SREBF1: variants seen among roughly 807,000 people sequenced by gnomAD.
SREBF1 encodes the protein sterol regulatory element-binding protein 1.
A neutral mutation model predicts 100.1 loss-of-function variants in SREBF1; 45 were observed. The observed-to-expected ratio is 0.45, with a 90% CI of 0.35 to 0.58. The LOEUF (loss-of-function observed/expected upper bound fraction) is 0.58, where lower values mean the gene tolerates loss of function less well. Ranked by LOEUF, SREBF1 falls within the 20% of genes least tolerant of loss-of-function variation. The pLI is 0.00. For missense variants in SREBF1, 1,324 were observed against 1,539.4 expected, an observed-to-expected ratio of 0.86 and a Z score of 2.34; for synonymous variants, 657 against 681.8, an observed-to-expected ratio of 0.96 and a Z score of 0.57.
At position 17,814,405 on chromosome 17, in the gene SREBF1, G is replaced by A; in HGVS notation, c.2741C>T (p.Pro914Leu). Residue 914 changes from proline to leucine, a missense_variant, in exon 16 of 19, where the codon CCC becomes CTC. Physicochemically the swap from Pro to Leu is moderately conservative, Grantham distance 98 (BLOSUM62 -3). Coordinates refer to ENST00000261646, the MANE Select transcript of SREBF1 (RefSeq NM_004176.5). ...GGAGTGCAGAGCTGCCCTGGGCAGG[G>A]GTCTCCTGTTGGGACCAGGGCAGAA... ...LPRVLQESER[P>L]LPRAALHSFK... 6.4e-7 allele frequency: 1 copy of A among 1,555,988 alleles called. No homozygotes were observed. Among genetic ancestry groups the A allele is most frequent in the Non-Finnish European group, 8.7e-7 (1 of 1,150,064 alleles).
Position 17,820,495 on chromosome 17 carries a change from C to A in SREBF1, c.118G>T (p.Asp40Tyr). The change falls in exon 2 of 19, where the codon GAC (aspartate) becomes TAC (tyrosine). Residue 40 changes from aspartate to tyrosine, a missense_variant. By Grantham distance (160) the Asp-to-Tyr change is radical (BLOSUM62 -3). Transcript: ENST00000261646. ...EDMLQLINNQ[D>Y]SDFPGLFDPP... The stretch of plus-strand genomic sequence containing the variant: ...TCAAATAGGCCAGGGAAGTCACTGT[C>A]TTGGTTGTTGATAAGCTGAAGCATG... The A allele has an allele frequency of 6.2e-7, 1 of 1,614,032 alleles. No individual in the cohort carries two copies.
chr17:17,834,965 A>G (rs2035141383), intron 1 of SREBF1, among the ~76,000 whole-genome samples: 1 of 151,994 alleles, frequency 6.6e-6, no homozygotes, highest in Non-Finnish European at 1.5e-5. Context: ...AGTGAGCCAA[A>G]ATTGCGCCAC....
intron 1 of SREBF1, among the ~76,000 whole-genome samples, chr17:17,834,797 A>G (rs542223201): frequency 6.6e-6 from 1 of 152,234 alleles, no homozygotes; most frequent in East Asian, 1.9e-4. Context: ...GGCGGATCAC[A>G]AGGTCAGGAG....
chr17:17,815,568 C>T (rs760896841), intron 12 of SREBF1: 4 of 594,206 alleles, frequency 6.7e-6, no homozygotes, highest in Non-Finnish European at 1.2e-5. Flanking sequence ...AAAGGAAAAC[C>T]GACTTGAGAA....
chr17:17,820,585 C>A (rs2034029202), intron 1 of SREBF1, 64 bp from the exon 2 acceptor site: 1 of 1,516,538 alleles, frequency 6.6e-7, no homozygotes, highest in Admixed American at 1.8e-5. Context: ...GGGCATCACA[C>A]ACATCCAAAC....
intron 5 of SREBF1, 127 bp downstream of exon 5, chr17:17,818,886 G>A (rs1435343167): frequency 8.9e-7 from 1 of 1,123,884 alleles, no homozygotes; most frequent in Non-Finnish European, 1.3e-6. Flanking sequence ...GGCCAGGCCT[G>A]GGGAGGCTGA....
intron 16 of SREBF1, 105 bp from the exon 17 acceptor site, chr17:17,813,874 C>T (rs1399118390): frequency 8.4e-7 from 1 of 1,185,828 alleles, no homozygotes; most frequent in East Asian, 2.6e-5. Context: ...ACTGCCGAGG[C>T]ACTGCACCCG....
intron 16 of SREBF1, 112 bp downstream of exon 16, chr17:17,814,133 C>A (rs2033274672): frequency 2.1e-5 from 26 of 1,259,718 alleles, no homozygotes; most frequent in Non-Finnish European, 2.9e-5. Flanking sequence ...CTATCCTGTG[C>A]TGCTTGGGCT....
Position 17,817,065 on chromosome 17 carries a change from A to G in SREBF1, c.1678T>C (p.Ser560Pro). The G allele has an allele frequency of 6.2e-7, 1 of 1,613,144 alleles. No individual in the cohort carries two copies. Among genetic ancestry groups the G allele is most frequent in the South Asian group, 1.1e-5 (1 of 91,078 alleles). Reference sequence around the variant, plus strand: ...CCGTAGACAAAGAGAAGCACCAAGGAGACGAGCACCAACAGCCCATTGAGC... The same window carrying G: ...CCGTAGACAAAGAGAAGCACCAAGGGGACGAGCACCAACAGCCCATTGAGC... ...WLLNGLLVLV[S>P]LVLLFVYGEP... Residue 560 changes from serine to proline, a missense_variant, in exon 9 of 19, where the codon TCC (serine) becomes CCC (proline). Ser to Pro is a moderately conservative substitution (Grantham distance 74). Transcript: ENST00000261646. The surrounding 1 kb of genome is among the most constrained non-coding windows in gnomAD (Gnocchi z 6.6).
intron 9 of SREBF1, 101 bp from the exon 10 acceptor site, chr17:17,816,819 T>C (rs2033641999): frequency 4.4e-6 from 7 of 1,575,750 alleles, no homozygotes; most frequent in African/African-American, 2.7e-5. Flanking sequence ...GTGGTGGGGG[T>C]CTGCGGATGC....
intron 2 of SREBF1, 94 bp downstream of exon 2, chr17:17,819,996 G>A: frequency 1.5e-6 from 2 of 1,370,698 alleles, no homozygotes; most frequent in Non-Finnish European, 2.0e-6. Flanking sequence ...TCTAAAGCCT[G>A]CACAGACCTC....
In SREBF1 at chr17:17,817,301, C is replaced by T. The variant is rs761691604; in HGVS notation, c.1561G>A (p.Val521Ile). The change falls in exon 8 of 19, where the codon GTC (valine) becomes ATC (isoleucine). Residue 521 changes from valine to isoleucine, a missense_variant. Coordinates refer to ENST00000261646, the MANE Select transcript of SREBF1 (RefSeq NM_004176.5). The surrounding 1 kb of genome is among the most constrained non-coding windows in gnomAD (Gnocchi z 6.6). ...ACGTTGCGCCCAGGGCTATGGTAGA[C>T]GCTGGTGGTATCTGAGGGGCTGGGA... is the stretch of plus-strand genomic sequence containing the variant. ...GLPSPSDTTS[V>I]YHSPGRNVLG... is the part of the protein sequence containing the mutation. 51 of 1,607,176 alleles carry T rather than the reference C, an allele frequency of 3.2e-5. 1 individual carries two copies. The highest frequency in any genetic ancestry group is 1.1e-4 in the South Asian group (10 of 90,034).
rs2032988981 is a variant in SREBF1, at chr17:17,812,496, C to T, written c.*126G>A. On this transcript the variant is annotated 3_prime_UTR_variant, in exon 19 of 19. Transcript: ENST00000261646. ...CCACCGCGAAGGCACACAGCAGCCGCAGGTCGAACTGTGGAGGCCAGAGTC... is the reference window on the plus strand; with the variant it reads ...CCACCGCGAAGGCACACAGCAGCCGTAGGTCGAACTGTGGAGGCCAGAGTC... The T allele has an allele frequency of 3.1e-6, 3 of 981,768 alleles. No homozygotes were observed. The highest frequency in any genetic ancestry group is 1.5e-6 in the Non-Finnish European group (1 of 666,944). 60.8% of individuals were successfully genotyped at this position (981,768 alleles called of 1,614,324 possible).
At chr17:17,818,189 G>A in intron 6 of SREBF1, 71 bp downstream of exon 6, 1 of 1,338,414 alleles carries the variant, frequency 7.5e-7, no homozygotes, top group East Asian at 2.3e-5. Flanking sequence ...GGCTAGGGAT[G>A]GGGTGGGGCC....
In SREBF1 at chr17:17,811,558, G is replaced by A. The variant is rs1056615750; in HGVS notation, c.*1064C>T. 2 of 336,436 alleles carry A rather than the reference G, an allele frequency of 5.9e-6. No homozygotes were observed. Among genetic ancestry groups the A allele is most frequent in the Non-Finnish European group, 1.1e-5 (2 of 176,492 alleles). 20.8% of individuals were successfully genotyped at this position (336,436 alleles called of 1,614,324 possible). On this transcript the variant is annotated 3_prime_UTR_variant, in exon 19 of 19. Coordinates refer to ENST00000261646, the MANE Select transcript of SREBF1 (RefSeq NM_004176.5). ...GGCTGGGGGGGGGGGCATGAATGGAGTCAGGGAGTCGGCCTTTCACAGAAC... is the reference window on the plus strand; with the variant it reads ...GGCTGGGGGGGGGGGCATGAATGGAATCAGGGAGTCGGCCTTTCACAGAAC...
chr17:17,816,031 G>A lies in SREBF1; in HGVS notation c.2215-3C>T. The stretch of plus-strand genomic sequence containing the variant: ...CGGGCACTGCTCAGGAAGAAGCGCT[G>A]TAGGGGAGGGTACTGGGCTGTCACA... On this transcript the variant is annotated splice_region_variant and splice_polypyrimidine_tract_variant and intron_variant, in intron 11 of 18. Transcript: ENST00000261646. The A allele has an allele frequency of 1.2e-6, 2 of 1,611,584 alleles. No homozygotes were observed. The highest frequency in any genetic ancestry group is 1.7e-6 in the Non-Finnish European group (2 of 1,179,348).
chr17:17,818,066 A>C lies in SREBF1; in HGVS notation c.1184-150T>G, dbSNP rs539532044. 1.5e-5 allele frequency: 14 copies of C among 916,752 alleles called. No individual in the cohort carries two copies. The Admixed American group carries it at 2.4e-4, about 16-fold the overall frequency. 56.8% of individuals were successfully genotyped at this position (916,752 alleles called of 1,614,324 possible). A position where few individuals can be genotyped will look rare whatever the true frequency, so the allele number is the denominator to read the frequency against. ...GGCTGGGTTAGGGCCAAAGGGAGGC[A>C]CCAGGTCTCTTTCAGGACCAGAGGT... On this transcript the variant is annotated intron_variant, in intron 6 of 18. Transcript: ENST00000261646.
At chr17:17,820,005 T>C (rs927230285) in intron 2 of SREBF1, 85 bp downstream of exon 2, 27 of 1,419,612 alleles carry the variant, frequency 1.9e-5, no homozygotes, top group African/African-American at 1.9e-4. Flanking sequence ...TGCACAGACC[T>C]CTACTCACAT....
intron 1 of SREBF1, chr17:17,823,529 C>T: frequency 1.2e-6 from 2 of 1,613,048 alleles, no homozygotes; most frequent in Non-Finnish European, 1.7e-6. Flanking sequence ...TTCGAAAGTG[C>T]AATCCATGGC....
Sources: allele counts gnomAD v4.1 joint callset (sites outside exome capture counted in the v4.1 genomes callset), GRCh38; gene constraint gnomAD v4.1.1; non-coding constraint Gnocchi (gnomAD v3.1); transcripts MANE v1.5; gene names NCBI Gene and HGNC (gene_info 2026-07-23, HGNC 2026-07-21).